Variants in ZC2HC1B observed in about 807,000 individuals in gnomAD.
ZC2HC1B encodes zinc finger C2HC domain-containing protein 1B.
ZC2HC1B carries 36 observed loss-of-function variants against 31.0 expected under a neutral mutation model. The ratio of observed to expected loss-of-function variants is 1.16; its 90% CI spans 0.89 to 1.54. The LOEUF (loss-of-function observed/expected upper bound fraction) is 1.54, where lower values mean the gene tolerates loss of function less well. Ranked by LOEUF, ZC2HC1B falls within the 40% of genes most tolerant of loss-of-function variation. The pLI is 0.00. For missense variants in ZC2HC1B, 260 were observed against 268.6 expected (o/e 0.97, Z 0.22); for synonymous variants, 73 against 88.0 (o/e 0.83, Z 0.95).
chr6:143,870,259 C>T lies in ZC2HC1B; in HGVS notation c.28+5692C>T. On this transcript the variant is annotated intron_variant, in intron 1 of 7. Coordinates refer to ENST00000237275, the MANE Select transcript of ZC2HC1B (RefSeq NM_001013623.3). This position sits in a 1 kb window ranked among gnomAD's most constrained non-coding sequence, Gnocchi z 4.7. ...TTTCCCTCACCACTTTCAGGGATGT[C>T]CTAGGAAGGGGCTGTCCTTCAGGGA... Among the ~76,000 whole-genome samples the T allele has an allele frequency of 6.6e-6, 1 of 152,178 alleles. No homozygotes were observed. The highest frequency in any genetic ancestry group is 1.5e-5 in the Non-Finnish European group (1 of 68,014).
intron 4 of ZC2HC1B, among the ~76,000 whole-genome samples, chr6:143,889,986 G>T (rs989607267): frequency 2.6e-5 from 4 of 152,064 alleles, no homozygotes; most frequent in Non-Finnish European, 5.9e-5. Context: ...AATTAAATTA[G>T]AAATGTATGA....
intron 1 of ZC2HC1B, among the ~76,000 whole-genome samples, chr6:143,882,577 CA>C (rs2128493829): frequency 6.6e-6 from 1 of 151,832 alleles, no homozygotes; most frequent in East Asian, 1.9e-4. Flanking sequence ...CTTCAATTTC[CA>C]TGACCCTGTT....
rs1233307409 is a variant in ZC2HC1B at position 143,937,721 on chromosome 6, T to A, written c.*2T>A. 6.5e-7 allele frequency: 1 copy of A among 1,547,016 alleles called. No homozygotes were observed. Among genetic ancestry groups the A allele is most frequent in the South Asian group, 1.2e-5 (1 of 82,768 alleles). The stretch of plus-strand genomic sequence containing the variant: ...AGTAAATCTTCTAAAAAAGATTAAC[T>A]CCTAGAAGCCAGGTAAGAAAAAAAA... On this transcript the variant is annotated 3_prime_UTR_variant, in exon 7 of 8. Transcript: ENST00000237275.
In ZC2HC1B at chr6:143,895,949, C is replaced by A. The variant is rs956660128; in HGVS notation, c.350-2603C>A. Among the ~76,000 whole-genome samples, 3 of 152,164 alleles carry A rather than the reference C, an allele frequency of 2.0e-5. No individual in the cohort carries two copies. The highest frequency in any genetic ancestry group is 7.2e-5 in the African/African-American group (3 of 41,430). The stretch of plus-strand genomic sequence containing the variant: ...AGGAAGAGAGGTGACTCCGATTGAG[C>A]TGAGTGTAGAACATGTAGCTCAGTT... On this transcript the variant is annotated intron_variant, in intron 4 of 7. Coordinates refer to ENST00000237275, the MANE Select transcript of ZC2HC1B (RefSeq NM_001013623.3). This position sits in a 1 kb window ranked among gnomAD's most constrained non-coding sequence, Gnocchi z 4.8.
chr6:143,903,066 A>G lies in ZC2HC1B; in HGVS notation c.512A>G (p.Lys171Arg). 6.4e-7 allele frequency: 1 copy of G among 1,551,806 alleles called. No individual in the cohort carries two copies. Among genetic ancestry groups the G allele is most frequent in the Admixed American group, 2.0e-5 (1 of 50,988 alleles). ...RAQGRAQMGP[K>R]KEPTVTSAVG... ...TAGGGTAGGGCTCAGATGGGTCCAA[A>G]AAAAGAACCAACTGTTACCAGTGCT... Residue 171 changes from lysine (K) to arginine (R), a missense_variant, in exon 6 of 8, where the codon AAA becomes AGA. By Grantham distance (26) the Lys-to-Arg change is conservative (BLOSUM62 2). Transcript: ENST00000237275. The surrounding 1 kb of genome is among the most constrained non-coding windows in gnomAD (Gnocchi z 4.3).
At position 143,893,755 on chromosome 6, in the gene ZC2HC1B, C is replaced by T. The variant is rs540974729; in HGVS notation, c.350-4797C>T. On this transcript the variant is annotated intron_variant, in intron 4 of 7. Transcript: ENST00000237275. Reference sequence around the variant, plus strand: ...AGGCTGGAGTGCAGTGGCACCATCTCGGCTCACTGCAAGCTCCGCCTCCCA... The same window carrying T: ...AGGCTGGAGTGCAGTGGCACCATCTTGGCTCACTGCAAGCTCCGCCTCCCA... Among the ~76,000 whole-genome samples, 140 of 152,030 alleles carry T rather than the reference C, an allele frequency of 9.2e-4. 1 individual carries two copies. Among genetic ancestry groups the T allele is most frequent in the African/African-American group, 3.1e-3 (127 of 41,492 alleles).
intron 1 of ZC2HC1B, among the ~76,000 whole-genome samples, chr6:143,881,409 G>T (rs1169645766): frequency 2.6e-5 from 4 of 151,838 alleles, no homozygotes; most frequent in Non-Finnish European, 5.9e-5. Context: ...AAGCTAGCTG[G>T]GTGTGGTGGC....
Position 143,905,024 on chromosome 6 carries a change from A to G in ZC2HC1B, c.598+1872A>G, listed in dbSNP as rs865834215. Among the ~76,000 whole-genome samples the G allele has an allele frequency of 6.6e-6, 1 of 152,216 alleles. No individual in the cohort carries two copies. Among genetic ancestry groups the G allele is most frequent in the South Asian group, 2.1e-4 (1 of 4,836 alleles). On this transcript the variant is annotated intron_variant, in intron 6 of 7. Coordinates refer to ENST00000237275, the MANE Select transcript of ZC2HC1B (RefSeq NM_001013623.3). This position sits in a 1 kb window ranked among gnomAD's most constrained non-coding sequence, Gnocchi z 4.2. The stretch of plus-strand genomic sequence containing the variant: ...AGGAACTGTGAGTCCTCCAAGGTAC[A>G]GCCAAGATTGTTTTGGCTATTTGGG...
Position 143,899,594 on chromosome 6 carries a change from C to A in ZC2HC1B, c.489+903C>A, listed in dbSNP as rs1212279498. 2.0e-5 allele frequency among the ~76,000 whole-genome samples: 3 copies of A among 152,182 alleles called. No homozygotes were observed. The East Asian group carries it at 5.8e-4, about 29-fold the overall frequency. ...GTCTCACTGTGTTGCTCAGGCTGGT[C>A]TCAAACTCCTGGGCCCAAGCAATCT... On this transcript the variant is annotated intron_variant, in intron 5 of 7. Coordinates refer to ENST00000237275, the MANE Select transcript of ZC2HC1B (RefSeq NM_001013623.3). This position sits in a 1 kb window ranked among gnomAD's most constrained non-coding sequence, Gnocchi z 5.0.
intron 6 of ZC2HC1B, among the ~76,000 whole-genome samples, chr6:143,907,617 T>G (rs985728513): frequency 1.3e-5 from 2 of 152,222 alleles, no homozygotes; most frequent in African/African-American, 4.8e-5. Flanking sequence ...GCCTACATTT[T>G]AATGAAGTTG....
chr6:143,925,180 T>G (rs1388039446), intron 6 of ZC2HC1B, among the ~76,000 whole-genome samples: 3 of 77,256 alleles, frequency 3.9e-5, no homozygotes, highest in African/African-American at 1.5e-4. Flanking sequence ...TTTTTTTTTT[T>G]TTTTTTTTTT....
At chr6:143,929,912 C>T (rs1361202445) in intron 6 of ZC2HC1B, among the ~76,000 whole-genome samples, 8 of 152,076 alleles carry the variant, frequency 5.3e-5, no homozygotes, top group African/African-American at 1.7e-4. Flanking sequence ...TGATCTTTTG[C>T]ATTTCTGTAG....
At chr6:143,937,051 CA>C (rs967181256) in intron 6 of ZC2HC1B, among the ~76,000 whole-genome samples, 38 of 151,482 alleles carry the variant, frequency 2.5e-4, no homozygotes, top group African/African-American at 8.0e-4. Flanking sequence ...TATTTTTTAA[CA>C]AAAAAAAGAA....
chr6:143,868,912 ATCT>A lies in ZC2HC1B; in HGVS notation c.28+4350_28+4352del, dbSNP rs1017380252. ...AGGAAAAAGTAAATAAAATGAAGATATCTTCTTAGTACACGTGTGTACATGCAC... is the reference window on the plus strand; with the variant it reads ...AGGAAAAAGTAAATAAAATGAAGATATCTTAGTACACGTGTGTACATGCAC... On this transcript the variant is annotated intron_variant, in intron 1 of 7. Transcript: ENST00000237275. This position sits in a 1 kb window ranked among gnomAD's most constrained non-coding sequence, Gnocchi z 4.2. 2.0e-4 allele frequency among the ~76,000 whole-genome samples: 31 copies of A among 152,358 alleles called. No homozygotes were observed. Among genetic ancestry groups the A allele is most frequent in the African/African-American group, 5.0e-4 (21 of 41,586 alleles).
Position 143,872,559 on chromosome 6 carries a change from T to TA in ZC2HC1B, c.28+7993dup, listed in dbSNP as rs1259632304. On this transcript the variant is annotated intron_variant, in intron 1 of 7. Transcript: ENST00000237275. The surrounding 1 kb of genome is among the most constrained non-coding windows in gnomAD (Gnocchi z 5.5). ...TTTTTTATTTTTTAAATTTATGTAT[T>TA]AGTCTATTTTCATGCTGCTGATAAA... Among the ~76,000 whole-genome samples the TA allele has an allele frequency of 2.4e-4, 37 of 152,302 alleles. No homozygotes were observed. Among genetic ancestry groups the TA allele is most frequent in the African/African-American group, 8.9e-4 (37 of 41,556 alleles).
intron 6 of ZC2HC1B, among the ~76,000 whole-genome samples, chr6:143,927,313 C>G (rs993770773): frequency 3.9e-5 from 6 of 152,238 alleles, no homozygotes; most frequent in African/African-American, 1.2e-4. Context: ...CACCTTCCCA[C>G]CTTTCCAAGT....
chr6:143,901,855 A>G (rs1412962555), intron 5 of ZC2HC1B, among the ~76,000 whole-genome samples: 3 of 152,128 alleles, frequency 2.0e-5, no homozygotes, highest in South Asian at 2.1e-4. Flanking sequence ...CTAATTATGG[A>G]AAAGTTTGTA....
chr6:143,898,712 G>A (rs1777701566), intron 5 of ZC2HC1B, 21 bp downstream of exon 5: 8 of 1,551,570 alleles, frequency 5.2e-6, no homozygotes, highest in Non-Finnish European at 7.0e-6. Flanking sequence ...CTCCCCAGGT[G>A]TTGGCTCTTG....
intron 5 of ZC2HC1B, among the ~76,000 whole-genome samples, chr6:143,901,896 G>T (rs1247740187): frequency 6.6e-6 from 1 of 152,210 alleles, no homozygotes; most frequent in Non-Finnish European, 1.5e-5. Context: ...CTGTAAAGCA[G>T]TAAAGGGTGA....
Sources: allele counts gnomAD v4.1 joint callset (sites outside exome capture counted in the v4.1 genomes callset), GRCh38; gene constraint gnomAD v4.1.1; non-coding constraint Gnocchi (gnomAD v3.1); transcripts MANE v1.5; gene names NCBI Gene and HGNC (gene_info 2026-07-23, HGNC 2026-07-21).